Variants in CHM observed in about 807,000 individuals in gnomAD.
The protein encoded by CHM is rab proteins geranylgeranyltransferase component A 1.
CHM carries 10 observed loss-of-function variants against 49.0 expected under a neutral mutation model. That is an observed-to-expected ratio of 0.20 (90% CI 0.13 to 0.35). CHM has a LOEUF of 0.35. Ranked by LOEUF, CHM falls within the 10% of genes least tolerant of loss-of-function variation. CHM has a pLI of 1.00. For missense variants in CHM, 455 were observed against 478.4 expected, an observed-to-expected ratio of 0.95 and a Z score of 0.46; for synonymous variants, 184 against 167.5, an observed-to-expected ratio of 1.10 and a Z score of -0.76.
chrX:85,973,673 C>T (rs746687687), intron 4 of CHM, among the ~76,000 whole-genome samples: 1 of 111,504 alleles, frequency 9.0e-6, no homozygotes, highest in South Asian at 3.7e-4. Flanking sequence ...TATGCTGAGA[C>T]ACCATGTGCA....
intron 2 of CHM, among the ~76,000 whole-genome samples, chrX:86,007,947 C>T (rs944417969): frequency 4.4e-4 from 49 of 112,172 alleles, no homozygotes; most frequent in Non-Finnish European, 6.9e-4. Context: ...ACTATAAAGA[C>T]ACATGCACAC....
At chrX:85,974,998 T>TA (rs956099938) in intron 4 of CHM, among the ~76,000 whole-genome samples, 7 of 109,878 alleles carry the variant, frequency 6.4e-5, no homozygotes, top group African/African-American at 2.3e-4. Context: ...AACTCAACAG[T>TA]AAAAAACTAC....
At chrX:85,957,813 A>G in intron 7 of CHM, 42 bp downstream of exon 7, 1 of 1,184,459 alleles carries the variant, frequency 8.4e-7, no homozygotes, top group Non-Finnish European at 1.1e-6. Flanking sequence ...AATAGTAAGA[A>G]ATGTCAAATA....
intron 8 of CHM, among the ~76,000 whole-genome samples, chrX:85,933,661 C>T (rs765343443): frequency 8.9e-6 from 1 of 112,151 alleles, no homozygotes; most frequent in Admixed American, 9.5e-5. Flanking sequence ...GAATAAGATT[C>T]TATGCAGATA....
Position 85,981,756 on chromosome X carries a change from G to A in CHM, c.170C>T (p.Ser57Phe). ...WASFSFSGLL[S>F]WLKEYQENSD... ...CTTTACCTGGTATTCCTTTAGCCAG[G>A]ACAATAGTCCTGAAAAGCTAAAACT... Residue 57 changes from serine to phenylalanine, a missense_variant, in exon 3 of 15, where the codon TCC (serine) becomes TTC (phenylalanine). Coordinates refer to ENST00000357749, the MANE Select transcript of CHM (RefSeq NM_000390.4). 1 of 1,193,317 alleles carries A rather than the reference G, an allele frequency of 8.4e-7. No homozygotes were observed.
At chrX:86,047,421 A>G in intron 1 of CHM, 63 bp downstream of exon 1, 2 of 1,074,238 alleles carry the variant, frequency 1.9e-6, no homozygotes, top group Admixed American at 2.3e-5. Flanking sequence ...CGCCACTGAC[A>G]GAAAAAACAG....
intron 14 of CHM, among the ~76,000 whole-genome samples, chrX:85,865,200 T>C (rs1923610987): frequency 8.9e-6 from 1 of 111,844 alleles, no homozygotes; most frequent in Non-Finnish European, 1.9e-5. Context: ...CTCACCCAAA[T>C]CTCATCTCAA....
chrX:85,895,762 T>C (rs897435867), intron 11 of CHM, among the ~76,000 whole-genome samples: 3 of 111,761 alleles, frequency 2.7e-5, no homozygotes, highest in Non-Finnish European at 5.6e-5. Context: ...TTGTTCATGA[T>C]AGAAAATGTA....
intron 8 of CHM, among the ~76,000 whole-genome samples, chrX:85,948,563 T>C (rs1024536447): frequency 7.1e-5 from 8 of 112,369 alleles, no homozygotes; most frequent in Non-Finnish European, 1.3e-4. Context: ...GTAGTTAAAA[T>C]GTCACATGCA....
rs1010689363 is a variant in CHM, at chrX:85,924,611, G to A, written c.1167-13273C>T. ...ATCAAGATTACAACTTAATACTCTGGGTACTAATTTCTATATAGGAGGGCA... is the reference window on the plus strand; with the variant it reads ...ATCAAGATTACAACTTAATACTCTGAGTACTAATTTCTATATAGGAGGGCA... On this transcript the variant is annotated intron_variant, in intron 8 of 14. Transcript: ENST00000357749. Among the ~76,000 whole-genome samples, 6 of 111,415 alleles carry A rather than the reference G, an allele frequency of 5.4e-5. No homozygotes were observed. The East Asian group carries it at 1.7e-3, about 32-fold the overall frequency.
intron 13 of CHM, among the ~76,000 whole-genome samples, chrX:85,876,373 A>G (rs1924414252): frequency 2.7e-5 from 3 of 112,153 alleles, no homozygotes; most frequent in Admixed American, 9.5e-5. Context: ...AAGGTATTAT[A>G]TGAATGTCAA....
Position 85,981,784 on chromosome X carries a change from C to A in CHM, c.142G>T (p.Ala48Ser). Residue 48 changes from alanine to serine, a missense_variant, in exon 3 of 15, where the codon GCC (alanine) becomes TCC (serine). Transcript: ENST00000357749. Reference sequence around the variant, plus strand: ...AATAGTCCTGAAAAGCTAAAACTGGCCCAGTTTCCTCCATAGTAGCTTCTT... The same window carrying A: ...AATAGTCCTGAAAAGCTAAAACTGGACCAGTTTCCTCCATAGTAGCTTCTT... ...DSRSYYGGNW[A>S]SFSFSGLLSW... 8.4e-7 allele frequency: 1 copy of A among 1,187,108 alleles called. No homozygotes were observed. Among genetic ancestry groups the A allele is most frequent in the Non-Finnish European group, 1.1e-6 (1 of 880,101 alleles).
chrX:85,895,880 C>A (rs1247031107), intron 11 of CHM, among the ~76,000 whole-genome samples: 1 of 109,503 alleles, frequency 9.1e-6, no homozygotes, highest in Non-Finnish European at 1.9e-5. Context: ...TTAATGACTG[C>A]AATAACATGT....
chrX:86,013,343 G>C (rs953586776), intron 2 of CHM, among the ~76,000 whole-genome samples: 1 of 111,811 alleles, frequency 8.9e-6, no homozygotes, highest in African/African-American at 3.2e-5. Context: ...TGAGGTCCAG[G>C]CGTGGGGATG....
chrX:85,961,290 C>T lies in CHM; in HGVS notation c.703-2313G>A, dbSNP rs138639647. 6.7e-3 allele frequency among the ~76,000 whole-genome samples: 730 copies of T among 108,507 alleles called. 13 individuals are homozygous for T. The highest frequency in any genetic ancestry group is 0.024 in the African/African-American group (704 of 29,723). The allele number at this position is 108,507 out of a possible 115,157, so 94.2% of individuals were successfully genotyped here. On this transcript the variant is annotated intron_variant, in intron 5 of 14. Coordinates refer to ENST00000357749, the MANE Select transcript of CHM (RefSeq NM_000390.4). Reference sequence around the variant, plus strand: ...CAAAAATTAGCCAGGCATAGTGGCACGCGCCTGTAGTCCTAGCTACTCAGG... The same window carrying T: ...CAAAAATTAGCCAGGCATAGTGGCATGCGCCTGTAGTCCTAGCTACTCAGG...
chrX:85,913,380 G>GAA (rs1240531188), intron 8 of CHM, among the ~76,000 whole-genome samples: 3 of 94,718 alleles, frequency 3.2e-5, no homozygotes, highest in African/African-American at 1.1e-4. Flanking sequence ...AAGAAAGAAA[G>GAA]AAAGAAAAAA....
rs779144057 is a variant in CHM at position 85,888,849 on chromosome X, A to C, written c.1510+5339T>G. ...CACTTCAGTTTAAATGGCATAACCA[A>C]AATCACTGAAAATGCTATCACAGAC... On this transcript the variant is annotated intron_variant, in intron 12 of 14. Transcript: ENST00000357749. 3.6e-5 allele frequency among the ~76,000 whole-genome samples: 4 copies of C among 112,392 alleles called. No individual in the cohort carries two copies. In the East Asian group the frequency reaches 1.1e-3, roughly 31 times the overall value.
chrX:85,918,536 A>G (rs1927592393), intron 8 of CHM, among the ~76,000 whole-genome samples: 1 of 111,731 alleles, frequency 9.0e-6, no homozygotes, highest in African/African-American at 3.3e-5. Flanking sequence ...TGACAGGATC[A>G]AATCTTCACA....
intron 11 of CHM, among the ~76,000 whole-genome samples, chrX:85,896,750 G>A (rs1925858585): frequency 9.5e-6 from 1 of 105,365 alleles, no homozygotes; most frequent in Admixed American, 1.1e-4. Flanking sequence ...GAAGTAGAGA[G>A]GAAACAGCCA....
Sources: gnomAD v4.1 joint callset for allele counts (sites outside exome capture counted in the v4.1 genomes callset) on GRCh38, gnomAD v4.1.1 for gene constraint, MANE v1.5 for transcripts, NCBI Gene and HGNC (gene_info 2026-07-23, HGNC 2026-07-21) for gene names.